Variants in FLYWCH1 observed in about 807,000 individuals in gnomAD.
FLYWCH1 encodes FLYWCH-type zinc finger-containing protein 1.
A neutral mutation model predicts 66.4 loss-of-function variants in FLYWCH1; 75 were observed. The observed-to-expected ratio is 1.13, with a 90% CI of 0.94 to 1.37. The LOEUF (loss-of-function observed/expected upper bound fraction) is 1.37. Ranked by LOEUF, FLYWCH1 falls within the 40% of genes most tolerant of loss-of-function variation. The probability of loss-of-function intolerance (pLI) is 0.00; values close to 1 mark genes in which losing one functional copy is unlikely to be tolerated. For missense variants in FLYWCH1, 1,334 were observed against 1,001.8 expected, an observed-to-expected ratio of 1.33 and a Z score of -4.48; for synonymous variants, 595 against 429.9, an observed-to-expected ratio of 1.38 and a Z score of -4.75.
At chr16:2,923,366 C>T (rs1245218775) in intron 2 of FLYWCH1, among the ~76,000 whole-genome samples, 1 of 152,212 alleles carries the variant, frequency 6.6e-6, no homozygotes, top group African/African-American at 2.4e-5. Context: ...CCTGCCTCAG[C>T]CTCTCGAGTA....
At chr16:2,935,744 G>T (rs1033518299) in intron 6 of FLYWCH1, 2 of 151,934 alleles carry the variant, frequency 1.3e-5, no homozygotes, top group Non-Finnish European at 2.9e-5. Flanking sequence ...GAGGTTTTAG[G>T]GTCTTTGCTC....
At chr16:2,931,438 A>G (rs895296567) in intron 4 of FLYWCH1, among the ~76,000 whole-genome samples, 2 of 151,998 alleles carry the variant, frequency 1.3e-5, no homozygotes, top group Non-Finnish European at 2.9e-5. Flanking sequence ...AGCCTGGCCA[A>G]TATAGTGAGA....
chr16:2,920,840 C>CTT (rs71158122), intron 2 of FLYWCH1, among the ~76,000 whole-genome samples: 1,925 of 70,438 alleles, frequency 0.027, 66 homozygotes, highest in African/African-American at 0.048. Context: ...AACGCCTGGC[C>CTT]TTTTTTTTTT....
At chr16:2,925,417 C>G (rs1352580374) in intron 2 of FLYWCH1, among the ~76,000 whole-genome samples, 1 of 149,732 alleles carries the variant, frequency 6.7e-6, no homozygotes, top group Admixed American at 6.7e-5. Context: ...TAGCCTCACC[C>G]GGTCCCACCC....
Position 2,938,207 on chromosome 16 carries a change from C to T in FLYWCH1, c.1801C>T (p.Leu601=). Residue 601 remains leucine (L), a synonymous_variant, in exon 8 of 10, where the codon CTG becomes TTG. Transcript: ENST00000253928. The stretch of plus-strand genomic sequence containing the variant: ...AGATCCTCTCCGGCCCCTGGAGTTC[C>T]TGAGGACTTCCCTGGGGGGCAGGTT... The part of the protein sequence containing the change: ...SPDPLRPLEF[L]RTSLGGRFLV... 3 of 1,612,990 alleles carry T rather than the reference C, an allele frequency of 1.9e-6. No homozygotes were observed. In the South Asian group the frequency reaches 3.3e-5, roughly 18 times the overall value.
chr16:2,939,930 T>C, intron 8 of FLYWCH1, 102 bp from the exon 9 acceptor site: 1 of 1,408,940 alleles, frequency 7.1e-7, no homozygotes, highest in African/African-American at 1.4e-5. Flanking sequence ...GTCTTTCTCC[T>C]CACAGCCTTG....
intron 6 of FLYWCH1, chr16:2,935,687 C>T (rs1173651514): frequency 6.6e-6 from 1 of 152,104 alleles, no homozygotes; most frequent in Non-Finnish European, 1.5e-5. Flanking sequence ...TTGAACGTCC[C>T]TGCCGCTTTT....
At position 2,930,664 on chromosome 16, in the gene FLYWCH1, G is replaced by T. The variant is rs765263505; in HGVS notation, c.580G>T (p.Ala194Ser). ...RRQREKLPSL[A>S]LPEGLGEPQG... ...CCAGAGGGAGAAACTGCCCAGCCTGGCCCTGCCAGAGGGCTTGGGAGAGCC... is the reference window on the plus strand; with the variant it reads ...CCAGAGGGAGAAACTGCCCAGCCTGTCCCTGCCAGAGGGCTTGGGAGAGCC... The change falls in exon 4 of 10, where the codon GCC becomes TCC. Residue 194 changes from alanine (A) to serine (S), a missense_variant. Coordinates refer to ENST00000253928, the MANE Select transcript of FLYWCH1 (RefSeq NM_001308068.2). 5.2e-6 allele frequency: 8 copies of T among 1,545,786 alleles called. No individual in the cohort carries two copies. The African/African-American group carries it at 8.2e-5, about 16-fold the overall frequency.
chr16:2,929,869 G>A lies in FLYWCH1; in HGVS notation c.184G>A (p.Val62Met), dbSNP rs1170477325. The A allele has an allele frequency of 1.2e-6, 2 of 1,613,944 alleles. No homozygotes were observed. The highest frequency in any genetic ancestry group is 1.7e-6 in the Non-Finnish European group (2 of 1,179,888). Residue 62 changes from valine to methionine, a missense_variant, in exon 3 of 10, where the codon GTG becomes ATG. Transcript: ENST00000253928. ...EDGVGSKPQE[V>M]HCVLSLEMAG... Reference sequence around the variant, plus strand: ...TGGGGTGGGATCCAAGCCCCAGGAAGTGCACTGCGTCCTGTCCCTGGAGAT... The same window carrying A: ...TGGGGTGGGATCCAAGCCCCAGGAAATGCACTGCGTCCTGTCCCTGGAGAT...
intron 9 of FLYWCH1, among the ~76,000 whole-genome samples, chr16:2,944,644 G>A (rs1232451545): frequency 1.3e-5 from 2 of 151,704 alleles, no homozygotes; most frequent in East Asian, 3.9e-4. Context: ...GAAACATGGT[G>A]AAACCCCGTC....
At chr16:2,930,270 G>T in intron 3 of FLYWCH1, 140 bp from the exon 4 acceptor site, 1 of 645,316 alleles carries the variant, frequency 1.5e-6, no homozygotes, top group Non-Finnish European at 2.6e-6. Context: ...AACCAGCCCT[G>T]AGAGTCTGGG....
In FLYWCH1 at chr16:2,948,878, C is replaced by G. The variant is rs754729131; in HGVS notation, c.*151C>G. The G allele has an allele frequency of 1.5e-6, 1 of 656,056 alleles. No individual in the cohort carries two copies. The highest frequency in any genetic ancestry group is 2.6e-6 in the Non-Finnish European group (1 of 377,532). 40.6% of individuals were successfully genotyped at this position (656,056 alleles called of 1,614,324 possible). A position where few individuals can be genotyped will look rare whatever the true frequency, so the allele number is the denominator to read the frequency against. ...TCTTCGCGTCTCCTCAGGAGGTCTC[C>G]CAGGAGGAATTCTTGGATGGTGTCC... On this transcript the variant is annotated 3_prime_UTR_variant, in exon 10 of 10. Coordinates refer to ENST00000253928, the MANE Select transcript of FLYWCH1 (RefSeq NM_001308068.2).
intron 3 of FLYWCH1, 102 bp from the exon 4 acceptor site, chr16:2,930,308 G>GCACCTGC (rs1173322232): frequency 4.2e-6 from 3 of 718,966 alleles, no homozygotes. Context: ...GGAGGAGAAG[G>GCACCTGC]CACCTGCCAT....
chr16:2,919,131 A>T (rs1403584298), intron 2 of FLYWCH1, among the ~76,000 whole-genome samples: 1 of 151,726 alleles, frequency 6.6e-6, no homozygotes, highest in Non-Finnish European at 1.5e-5. Context: ...ATGTTATCCA[A>T]GGTGGTCTCG....
At chr16:2,947,949 G>T (rs2071552583) in intron 9 of FLYWCH1, among the ~76,000 whole-genome samples, 1 of 152,092 alleles carries the variant, frequency 6.6e-6, no homozygotes, top group African/African-American at 2.4e-5. Flanking sequence ...GCTGAGGTGG[G>T]AGGATCACTG....
At chr16:2,936,426 G>A (rs569264073) in intron 6 of FLYWCH1, 2 of 455,410 alleles carry the variant, frequency 4.4e-6, no homozygotes, top group Admixed American at 4.7e-5. Context: ...CCTCTTGAAG[G>A]TAGTTCCACA....
chr16:2,914,707 T>A (rs1427064737), intron 2 of FLYWCH1, among the ~76,000 whole-genome samples: 3 of 152,062 alleles, frequency 2.0e-5, no homozygotes, highest in Non-Finnish European at 4.4e-5. Flanking sequence ...GAGACCAGCC[T>A]GGCTAACATG....
intron 2 of FLYWCH1, among the ~76,000 whole-genome samples, chr16:2,928,101 T>TACTC (rs2070635875): frequency 6.6e-6 from 1 of 152,240 alleles, no homozygotes; most frequent in Non-Finnish European, 1.5e-5. Flanking sequence ...CATCTCAGTG[T>TACTC]AGCAAAGAGT....
At chr16:2,946,868 G>C (rs2071508011) in intron 9 of FLYWCH1, among the ~76,000 whole-genome samples, 2 of 152,132 alleles carry the variant, frequency 1.3e-5, no homozygotes, top group Non-Finnish European at 2.9e-5. Context: ...TGACGACATG[G>C]AGAAACTGGA....
Sources: allele counts gnomAD v4.1 joint callset (sites outside exome capture counted in the v4.1 genomes callset), GRCh38; gene constraint gnomAD v4.1.1; transcripts MANE v1.5; gene names NCBI Gene and HGNC (gene_info 2026-07-23, HGNC 2026-07-21).